The following ACVR2A variants were observed in gnomAD, a reference collection of about 807,000 sequenced individuals.
ACVR2A encodes activin A receptor type 2A.
A neutral mutation model predicts 61.4 loss-of-function variants in ACVR2A; 7 were observed. That is an observed-to-expected ratio of 0.11 (90% confidence interval 0.06 to 0.21). ACVR2A has a LOEUF of 0.21. Among genes scored for constraint, ACVR2A ranks in the 10% least tolerant of loss-of-function variants. The probability of loss-of-function intolerance (pLI) is 1.00; values close to 1 mark genes in which losing one functional copy is unlikely to be tolerated. For missense variants in ACVR2A, 322 were observed against 621.7 expected, an observed-to-expected ratio of 0.52 and a Z score of 5.13; for synonymous variants, 193 against 208.3, an observed-to-expected ratio of 0.93 and a Z score of 0.63.
rs542756919 is a variant in ACVR2A, at chr2:147,924,682, T to A, written c.1217-1349T>A. Among the ~76,000 whole-genome samples the A allele has an allele frequency of 2.0e-5, 3 of 152,062 alleles. No individual in the cohort carries two copies. The South Asian group carries it at 6.2e-4, about 32-fold the overall frequency. On this transcript the variant is annotated intron_variant, in intron 9 of 10. Coordinates refer to ENST00000241416, the MANE Select transcript of ACVR2A (RefSeq NM_001616.5). Reference sequence around the variant, plus strand: ...ATAGTGTGAGCATTGATTGCTAAAGTAGGTGCTTTCACGTGTGTTGATGGT... The same window carrying A: ...ATAGTGTGAGCATTGATTGCTAAAGAAGGTGCTTTCACGTGTGTTGATGGT...
intron 1 of ACVR2A, among the ~76,000 whole-genome samples, chr2:147,856,092 G>A (rs922776288): frequency 2.0e-5 from 3 of 152,110 alleles, no homozygotes; most frequent in African/African-American, 4.8e-5. Context: ...TAATACTTTA[G>A]GCTATTAGTT....
At chr2:147,881,957 T>C (rs1024412397) in intron 1 of ACVR2A, among the ~76,000 whole-genome samples, 3 of 152,134 alleles carry the variant, frequency 2.0e-5, no homozygotes, top group Non-Finnish European at 4.4e-5. Flanking sequence ...TTTAAGTGAA[T>C]TAAGAAACAA....
chr2:147,844,975 C>CTT (rs879026054), upstream of ACVR2A: 24,582 of 126,776 alleles, frequency 0.19, 3,128 homozygotes, highest in East Asian at 0.34. Flanking sequence ...TCTTTTTTTT[C>CTT]TTTTTTTTTT....
intron 9 of ACVR2A, chr2:147,925,804 C>G (rs1687487853): frequency 2.3e-6 from 1 of 433,278 alleles, no homozygotes; most frequent in Middle Eastern, 6.1e-4. Context: ...GCCCCTTATG[C>G]AATCTTTAAG....
chr2:147,906,863 T>G (rs1261926129), intron 4 of ACVR2A, among the ~76,000 whole-genome samples: 1 of 150,284 alleles, frequency 6.7e-6, no homozygotes, highest in Non-Finnish European at 1.5e-5. Flanking sequence ...GGGATACATG[T>G]GCAGAACATG....
chr2:147,868,379 T>C (rs540476251), intron 1 of ACVR2A, among the ~76,000 whole-genome samples: 24 of 152,304 alleles, frequency 1.6e-4, no homozygotes, highest in Admixed American at 1.5e-3. Flanking sequence ...CAGATAACGT[T>C]AGAAAAATAA....
At chr2:147,860,877 C>T (rs186710372) in intron 1 of ACVR2A, among the ~76,000 whole-genome samples, 12 of 152,300 alleles carry the variant, frequency 7.9e-5, no homozygotes, top group African/African-American at 2.9e-4. Context: ...CTTGCCCCTA[C>T]AGTATTGCTT....
In ACVR2A at chr2:147,899,540, T is replaced by C; in HGVS notation, c.346T>C (p.Tyr116His). The C allele has an allele frequency of 6.2e-7, 1 of 1,613,450 alleles. No individual in the cohort carries two copies. The highest frequency in any genetic ancestry group is 8.5e-7 in the Non-Finnish European group (1 of 1,179,562). The change falls in exon 3 of 11, where the codon TAT becomes CAT. Residue 116 changes from tyrosine to histidine, a missense_variant. Coordinates refer to ENST00000241416, the MANE Select transcript of ACVR2A (RefSeq NM_001616.5). ...CAATATGTGTAATGAAAAGTTTTCT[T>C]ATTTTCCGGAGATGGAAGTCACACA... ...EGNMCNEKFS[Y>H]FPEMEVTQPT...
At chr2:147,924,327 TAC>T (rs1687452293) in intron 9 of ACVR2A, among the ~76,000 whole-genome samples, 1 of 152,032 alleles carries the variant, frequency 6.6e-6, no homozygotes, top group Admixed American at 6.6e-5. Flanking sequence ...TCAAGTAATA[TAC>T]AGTTTAGTTA....
intron 4 of ACVR2A, among the ~76,000 whole-genome samples, chr2:147,903,394 G>C (rs1241738442): frequency 2.0e-5 from 3 of 151,546 alleles, no homozygotes; most frequent in African/African-American, 4.8e-5. Flanking sequence ...TTTTCATCCT[G>C]ATTGATCCTA....
chr2:147,920,482 G>T, intron 8 of ACVR2A, 138 bp downstream of exon 8: 1 of 668,448 alleles, frequency 1.5e-6, no homozygotes, highest in East Asian at 2.8e-5. Flanking sequence ...AAGTTTCTGA[G>T]GAAGACATTT....
Position 147,915,211 on chromosome 2 carries a change from T to A in ACVR2A, c.549T>A (p.Pro183=), listed in dbSNP as rs1432608342. The A allele has an allele frequency of 6.2e-7, 1 of 1,612,132 alleles. No individual in the cohort carries two copies. Among genetic ancestry groups the A allele is most frequent in the Non-Finnish European group, 8.5e-7 (1 of 1,178,550 alleles). The change falls in exon 5 of 11, where the codon CCT becomes CCA. Residue 183 remains proline (P), a synonymous_variant. Coordinates refer to ENST00000241416, the MANE Select transcript of ACVR2A (RefSeq NM_001616.5). The stretch of plus-strand genomic sequence containing the variant: ...TGTAGGACCCAGGACCACCCCCACC[T>A]TCTCCATTACTAGGTTTGAAACCAC... ...VPTQDPGPPP[P]SPLLGLKPLQ...
chr2:147,907,900 A>G (rs1325667802), intron 4 of ACVR2A, among the ~76,000 whole-genome samples: 1 of 151,914 alleles, frequency 6.6e-6, no homozygotes, highest in Non-Finnish European at 1.5e-5. Context: ...TTAGCCAGGC[A>G]TGGTGGTGCA....
intron 2 of ACVR2A, among the ~76,000 whole-genome samples, chr2:147,897,669 G>A (rs1686772317): frequency 6.6e-6 from 1 of 152,166 alleles, no homozygotes; most frequent in South Asian, 2.1e-4. Context: ...TTAGCTGTAT[G>A]TGACTAAGAG....
At chr2:147,881,614 T>C in intron 1 of ACVR2A, among the ~76,000 whole-genome samples, 1 of 91,992 alleles carries the variant, frequency 1.1e-5, no homozygotes, top group Admixed American at 1.5e-4. Flanking sequence ...TGTGTGTGTG[T>C]GTGTGTGTGT....
At chr2:147,876,305 T>C (rs1686153148) in intron 1 of ACVR2A, among the ~76,000 whole-genome samples, 1 of 152,104 alleles carries the variant, frequency 6.6e-6, no homozygotes, top group Non-Finnish European at 1.5e-5. Context: ...TTGTATAGTA[T>C]AAATACAAAA....
chr2:147,896,153 G>T (rs968615978), intron 1 of ACVR2A, 148 bp from the exon 2 acceptor site: 6 of 622,180 alleles, frequency 9.6e-6, no homozygotes, highest in Non-Finnish European at 1.7e-5. Flanking sequence ...AAAGTACAGG[G>T]ATTAACCTGG....
intron 1 of ACVR2A, among the ~76,000 whole-genome samples, chr2:147,859,302 A>G (rs912088786): frequency 2.0e-5 from 3 of 152,072 alleles, no homozygotes; most frequent in African/African-American, 7.2e-5. Flanking sequence ...GCATCCTAGG[A>G]AATACTCTTC....
chr2:147,906,929 C>T (rs752907597), intron 4 of ACVR2A, among the ~76,000 whole-genome samples: 26 of 151,508 alleles, frequency 1.7e-4, no homozygotes, highest in Admixed American at 6.6e-5. Flanking sequence ...CCTATCAACC[C>T]GTCAGCTAGG....
Sources: gnomAD v4.1 joint callset for allele counts (sites outside exome capture counted in the v4.1 genomes callset) on GRCh38, gnomAD v4.1.1 for gene constraint, MANE v1.5 for transcripts, NCBI Gene and HGNC (gene_info 2026-07-23, HGNC 2026-07-21) for gene names.